The following TMTC2 variants were observed in gnomAD, a reference collection of about 807,000 sequenced individuals.
TMTC2 encodes the protein transmembrane O-mannosyltransferase targeting cadherins 2.
TMTC2 carries 43 observed loss-of-function variants against 82.4 expected under a neutral mutation model. The ratio of observed to expected loss-of-function variants is 0.52; its 90% CI spans 0.41 to 0.67. TMTC2 has a LOEUF of 0.67. Among genes scored for constraint, TMTC2 ranks in the 30% least tolerant of loss-of-function variants. TMTC2 has a pLI of 0.00. For missense variants in TMTC2, 919 were observed against 1,012.4 expected (o/e 0.91, Z 1.25); for synonymous variants, 408 against 381.9 (o/e 1.07, Z -0.80).
At chr12:82,779,061 A>T (rs1320492859) in intron 1 of TMTC2, among the ~76,000 whole-genome samples, 1 of 150,742 alleles carries the variant, frequency 6.6e-6, no homozygotes, top group African/African-American at 2.4e-5. Context: ...AAAAAATCTC[A>T]CACAGCCTGA....
chr12:82,718,123 AT>A (rs1164821510), intron 1 of TMTC2, among the ~76,000 whole-genome samples: 3 of 152,118 alleles, frequency 2.0e-5, no homozygotes, highest in Non-Finnish European at 2.9e-5. Flanking sequence ...CCAAGGTCTG[AT>A]TTTTTACACA....
intron 1 of TMTC2, among the ~76,000 whole-genome samples, chr12:82,828,914 T>C (rs1869594089): frequency 6.6e-6 from 1 of 152,122 alleles, no homozygotes; most frequent in Non-Finnish European, 1.5e-5. Context: ...GAAGTGTTAT[T>C]TACTGAAAAG....
At chr12:82,998,341 C>G (rs1879759736) in intron 8 of TMTC2, among the ~76,000 whole-genome samples, 1 of 152,022 alleles carries the variant, frequency 6.6e-6, no homozygotes, top group African/African-American at 2.4e-5. Context: ...TAGAGCTATG[C>G]AGAAAATAGC....
chr12:82,835,722 T>C (rs182689656), intron 1 of TMTC2, among the ~76,000 whole-genome samples: 1 of 152,364 alleles, frequency 6.6e-6, no homozygotes, highest in Admixed American at 6.5e-5. Context: ...GTTGGAGTTC[T>C]ATTGGAGACA....
chr12:82,732,222 C>T (rs1305175604), intron 1 of TMTC2, among the ~76,000 whole-genome samples: 1 of 152,140 alleles, frequency 6.6e-6, no homozygotes, highest in Non-Finnish European at 1.5e-5. Flanking sequence ...AATTCTGTAT[C>T]ATACTTTATT....
intron 1 of TMTC2, among the ~76,000 whole-genome samples, 154 bp downstream of exon 1, chr12:82,687,823 A>T (rs1417179674): frequency 6.6e-6 from 1 of 151,672 alleles, no homozygotes; most frequent in African/African-American, 2.4e-5. Context: ...CCTAAATCAA[A>T]CACCGGGGAC....
intron 8 of TMTC2, among the ~76,000 whole-genome samples, chr12:83,023,276 A>G (rs546572991): frequency 1.1e-4 from 16 of 152,364 alleles, no homozygotes; most frequent in African/African-American, 3.4e-4. Flanking sequence ...AACCGAATAC[A>G]TGTTTCTTTA....
intron 3 of TMTC2, among the ~76,000 whole-genome samples, chr12:82,926,006 A>G (rs1875692045): frequency 1.4e-5 from 2 of 146,922 alleles, no homozygotes; most frequent in South Asian, 2.2e-4. Flanking sequence ...TTTTTTTGAC[A>G]GAGTCTCACT....
intron 1 of TMTC2, among the ~76,000 whole-genome samples, chr12:82,734,915 G>C (rs919082518): frequency 6.6e-6 from 1 of 152,168 alleles, no homozygotes; most frequent in Non-Finnish European, 1.5e-5. Flanking sequence ...AAGAGAATTA[G>C]AAATAATAAT....
intron 2 of TMTC2, among the ~76,000 whole-genome samples, chr12:82,889,912 T>C (rs1873310008): frequency 6.6e-6 from 1 of 152,146 alleles, no homozygotes; most frequent in African/African-American, 2.4e-5. Flanking sequence ...TTTTCTTTTA[T>C]AAACAATGCT....
chr12:82,724,076 T>C (rs2136930080), intron 1 of TMTC2, among the ~76,000 whole-genome samples: 1 of 152,368 alleles, frequency 6.6e-6, no homozygotes, highest in African/African-American at 2.4e-5. Context: ...ATCTGCAAGA[T>C]GCCCTGGGGA....
At chr12:83,070,095 G>C (rs887049885) in intron 11 of TMTC2, among the ~76,000 whole-genome samples, 1 of 152,126 alleles carries the variant, frequency 6.6e-6, no homozygotes, top group African/African-American at 2.4e-5. Flanking sequence ...TGGCCTTAGA[G>C]TATAGTTTGA....
chr12:82,787,223 G>C (rs1182535079), intron 1 of TMTC2, among the ~76,000 whole-genome samples: 1 of 151,860 alleles, frequency 6.6e-6, no homozygotes, highest in East Asian at 1.9e-4. Context: ...AATTTTAGAT[G>C]GTGTGAGTCT....
In TMTC2 at chr12:82,738,049, T is replaced by C. The variant is rs190852557; in HGVS notation, c.83+50380T>C. On this transcript the variant is annotated intron_variant, in intron 1 of 11. Coordinates refer to ENST00000321196, the MANE Select transcript of TMTC2 (RefSeq NM_152588.3). ...TAGTAATTTACTGGGCAGCATTGAG[T>C]TGCTATGGTATTTTTATTGTTGTCT... Among the ~76,000 whole-genome samples, 5 of 152,250 alleles carry C rather than the reference T, an allele frequency of 3.3e-5. No individual in the cohort carries two copies. In the East Asian group the frequency reaches 9.6e-4, roughly 29 times the overall value.
chr12:82,970,985 C>G (rs1327198613), intron 7 of TMTC2, among the ~76,000 whole-genome samples: 1 of 152,032 alleles, frequency 6.6e-6, no homozygotes, highest in African/African-American at 2.4e-5. Context: ...TTCATCTAGA[C>G]CTAACCAAAA....
intron 1 of TMTC2, among the ~76,000 whole-genome samples, chr12:82,734,766 T>C (rs183857416): frequency 6.6e-6 from 1 of 152,192 alleles, no homozygotes; most frequent in Non-Finnish European, 1.5e-5. Flanking sequence ...AAAGTCTAGG[T>C]CTCTACTTAT....
At chr12:82,755,777 T>A (rs192194200) in intron 1 of TMTC2, among the ~76,000 whole-genome samples, 177 of 152,324 alleles carry the variant, frequency 1.2e-3, no homozygotes, top group African/African-American at 4.1e-3. Flanking sequence ...AAGTTTAGTG[T>A]CGGAACTGCT....
At chr12:83,002,782 A>T (rs1329402999) in intron 8 of TMTC2, among the ~76,000 whole-genome samples, 1 of 148,054 alleles carries the variant, frequency 6.8e-6, no homozygotes, top group Non-Finnish European at 1.5e-5. Context: ...TAAGATTTTG[A>T]TTTTTTTTTT....
chr12:83,087,814 G>A (rs1333479038), intron 11 of TMTC2, among the ~76,000 whole-genome samples: 3 of 152,218 alleles, frequency 2.0e-5, no homozygotes, highest in African/African-American at 7.2e-5. Flanking sequence ...CACAAGAGGA[G>A]ATTTAGTGTA....
Sources: allele counts gnomAD v4.1 joint callset (sites outside exome capture counted in the v4.1 genomes callset), GRCh38; gene constraint gnomAD v4.1.1; transcripts MANE v1.5; gene names NCBI Gene and HGNC (gene_info 2026-07-23, HGNC 2026-07-21).